XRCC6: variants seen among roughly 807,000 people sequenced by gnomAD.
XRCC6 encodes the protein X-ray repair cross complementing 6, also known as DNA repair protein Ku70.
Under a neutral mutation model 65.7 loss-of-function variants are expected in XRCC6, and 5 were observed. That is an observed-to-expected ratio of 0.08 (90% CI 0.04 to 0.16). The LOEUF is 0.16. XRCC6 is among the 10% of genes least tolerant of loss of function. The pLI is 1.00. For missense variants in XRCC6, 447 were observed against 738.1 expected (o/e 0.61, Z 4.57); for synonymous variants, 270 against 270.6 (o/e 1.00, Z 0.02).
intron 7 of XRCC6, 39 bp downstream of exon 7, chr22:41,647,121 CAG>C: frequency 6.2e-7 from 1 of 1,606,726 alleles, no homozygotes; most frequent in South Asian, 1.1e-5. Context: ...GTTTTTGAGA[CAG>C]GGTCTCATTG....
chr22:41,636,272 A>G lies in XRCC6; in HGVS notation c.334+21A>G, dbSNP rs568798181. On this transcript the variant is annotated intron_variant, in intron 4 of 12. Transcript: ENST00000360079. Reference sequence around the variant, plus strand: ...TCCAGGTCAGTAATATTTTAAGATCAGCTTTTCCCTTATATATGAGAATAT... The same window carrying G: ...TCCAGGTCAGTAATATTTTAAGATCGGCTTTTCCCTTATATATGAGAATAT... 1.4e-5 allele frequency: 22 copies of G among 1,571,020 alleles called. No individual in the cohort carries two copies. In the South Asian group the frequency reaches 1.9e-4, roughly 14 times the overall value.
At chr22:41,641,722 T>G (rs1220789798) in intron 6 of XRCC6, among the ~76,000 whole-genome samples, 1 of 152,188 alleles carries the variant, frequency 6.6e-6, no homozygotes, top group Non-Finnish European at 1.5e-5. Context: ...TGTGCCTGGC[T>G]TATTTCACTT....
At chr22:41,629,039 C>T (rs989978897) in intron 3 of XRCC6, among the ~76,000 whole-genome samples, 3 of 149,538 alleles carry the variant, frequency 2.0e-5, no homozygotes, top group African/African-American at 4.9e-5. Flanking sequence ...AAAAGATACT[C>T]AGCATGTTTA....
At chr22:41,628,965 CAAAAAAAAAA>C (rs11413169) in intron 3 of XRCC6, among the ~76,000 whole-genome samples, 10 of 62,724 alleles carry the variant, frequency 1.6e-4, no homozygotes, top group African/African-American at 5.9e-4. Flanking sequence ...GACTCTGTCT[CAAAAAAAAAA>C]AAAAAAAAAA....
chr22:41,652,549 A>G (rs1035857016), intron 8 of XRCC6, among the ~76,000 whole-genome samples: 1 of 152,060 alleles, frequency 6.6e-6, no homozygotes, highest in African/African-American at 2.4e-5. Flanking sequence ...TAATGTTAGT[A>G]GAGACAGGGT....
chr22:41,663,253 C>T (rs891319083), intron 12 of XRCC6, among the ~76,000 whole-genome samples: 1 of 152,122 alleles, frequency 6.6e-6, no homozygotes, highest in Non-Finnish European at 1.5e-5. Flanking sequence ...TGCAGGTGCA[C>T]ACCACCATGG....
intron 6 of XRCC6, among the ~76,000 whole-genome samples, chr22:41,641,562 C>G (rs982834383): frequency 6.6e-6 from 1 of 152,086 alleles, no homozygotes; most frequent in Non-Finnish European, 1.5e-5. Flanking sequence ...TTCATTCTTT[C>G]TATTTTTTGT....
intron 6 of XRCC6, among the ~76,000 whole-genome samples, chr22:41,642,085 C>T (rs556910610): frequency 1.3e-5 from 2 of 152,300 alleles, no homozygotes; most frequent in East Asian, 3.9e-4. Flanking sequence ...TTGTACTACA[C>T]TTTCTTTATC....
At chr22:41,650,264 C>T (rs943060825) in intron 7 of XRCC6, among the ~76,000 whole-genome samples, 4 of 151,752 alleles carry the variant, frequency 2.6e-5, no homozygotes, top group Non-Finnish European at 2.9e-5. Flanking sequence ...ACCACTATAC[C>T]GAGCTAATTT....
At chr22:41,635,420 A>C (rs756971411) in intron 3 of XRCC6, among the ~76,000 whole-genome samples, 1 of 152,246 alleles carries the variant, frequency 6.6e-6, no homozygotes, top group African/African-American at 2.4e-5. Flanking sequence ...GAAAGATCAC[A>C]TGACCTGTCC....
At chr22:41,661,702 G>C (rs1176670480) in intron 12 of XRCC6, 1 of 417,138 alleles carries the variant, frequency 2.4e-6, no homozygotes, top group Non-Finnish European at 4.3e-6. Context: ...GTGAAAACTA[G>C]AGCTACCATA....
intron 3 of XRCC6, among the ~76,000 whole-genome samples, chr22:41,635,360 T>C (rs182968644): frequency 1.6e-3 from 242 of 152,308 alleles, no homozygotes; most frequent in Non-Finnish European, 2.9e-3. Context: ...CCAGCAGATA[T>C]GGAGGGCCAA....
intron 7 of XRCC6, among the ~76,000 whole-genome samples, chr22:41,647,581 CAAAAAA>C (rs34674929): frequency 1.5e-5 from 2 of 134,280 alleles, no homozygotes; most frequent in South Asian, 4.9e-4. Context: ...AACTCCGTCT[CAAAAAA>C]AAAAAAAAAA....
At chr22:41,636,319 CTG>C in intron 4 of XRCC6, 68 bp downstream of exon 4, 1 of 1,530,132 alleles carries the variant, frequency 6.5e-7, no homozygotes, top group Non-Finnish European at 8.8e-7. Context: ...TCAAAGAGGA[CTG>C]TGGAGAAGGA....
intron 2 of XRCC6, among the ~76,000 whole-genome samples, chr22:41,622,737 A>G (rs546394552): frequency 1.8e-4 from 27 of 152,222 alleles, no homozygotes; most frequent in African/African-American, 4.3e-4. Context: ...TCAGGAGATC[A>G]AGACCATCCT....
chr22:41,633,344 G>A (rs1487390818), intron 3 of XRCC6, among the ~76,000 whole-genome samples: 1 of 152,010 alleles, frequency 6.6e-6, no homozygotes, highest in Non-Finnish European at 1.5e-5. Context: ...TTACTGATTT[G>A]GAGACCATTA....
intron 6 of XRCC6, among the ~76,000 whole-genome samples, chr22:41,637,997 T>C (rs2067828058): frequency 6.6e-6 from 1 of 150,648 alleles, no homozygotes; most frequent in East Asian, 2.0e-4. Context: ...AGCAATGCAC[T>C]GCTACACATT....
At chr22:41,638,789 A>AAAG (rs1322549554) in intron 6 of XRCC6, among the ~76,000 whole-genome samples, 19 of 151,798 alleles carry the variant, frequency 1.3e-4, no homozygotes, top group African/African-American at 4.4e-4. Flanking sequence ...AAAAAAAAAA[A>AAAG]AAAAAAAAAG....
rs185745351 is a variant in XRCC6, at chr22:41,624,511, C to T, written c.82+2425C>T. Among the ~76,000 whole-genome samples the T allele has an allele frequency of 5.4e-3, 817 of 150,816 alleles. 6 individuals are homozygous for T. Among genetic ancestry groups the T allele is most frequent in the South Asian group, 0.019 (90 of 4,762 alleles). ...ACCATCCTGACTAACATGGTGAAAC[C>T]CCGTCTCTACTAAAAAAATACAAAA... On this transcript the variant is annotated intron_variant, in intron 2 of 12. Coordinates refer to ENST00000360079, the MANE Select transcript of XRCC6 (RefSeq NM_001469.5).
Sources: gnomAD v4.1 joint callset for allele counts (sites outside exome capture counted in the v4.1 genomes callset) on GRCh38, gnomAD v4.1.1 for gene constraint, MANE v1.5 for transcripts, NCBI Gene and HGNC (gene_info 2026-07-23, HGNC 2026-07-21) for gene names.